Variants in FH observed in about 807,000 individuals in gnomAD.
The protein encoded by FH is fumarate hydratase, mitochondrial.
In FH, 22 loss-of-function variants were observed where a neutral mutation model predicts 49.4. That is an observed-to-expected ratio of 0.45 (90% CI 0.32 to 0.64). The LOEUF (loss-of-function observed/expected upper bound fraction) is 0.64. FH is among the 30% of genes least tolerant of loss of function. The pLI, the probability that FH is intolerant of heterozygous loss-of-function variation, is 0.05. For synonymous variants in FH, 208 were observed against 223.0 expected, an observed-to-expected ratio of 0.93 and a Z score of 0.60; for missense variants, 526 against 641.5, an observed-to-expected ratio of 0.82 and a Z score of 1.95.
At chr1:241,505,469 C>T (rs752058088) in intron 6 of FH, among the ~76,000 whole-genome samples, 1 of 152,092 alleles carries the variant, frequency 6.6e-6, no homozygotes, top group Non-Finnish European at 1.5e-5. Context: ...CTACCCTAAC[C>T]GTCTGGTAAC....
rs771879458 is a variant in FH at position 241,497,903 on chromosome 1, A to G, written c.1458T>C (p.Ala486=). 1 of 1,613,790 alleles carries G rather than the reference A, an allele frequency of 6.2e-7. No homozygotes were observed. Among genetic ancestry groups the G allele is most frequent in the African/African-American group, 1.3e-5 (1 of 75,048 alleles). ...HKNGSTLKET[A]IELGYLTAEQ... ...CTGCTGTGAGATAGCCAAGTTCGAT[A>G]GCAGTTTCCTTTAAGGTTGATCCAT... The change falls in exon 10 of 10, where the codon GCT becomes GCC. Residue 486 remains alanine (A), a synonymous_variant. Coordinates refer to ENST00000366560, the MANE Select transcript of FH (RefSeq NM_000143.4).
At chr1:241,498,691 T>C (rs1558395707) in intron 9 of FH, among the ~76,000 whole-genome samples, 1 of 62,782 alleles carries the variant, frequency 1.6e-5, no homozygotes, top group African/African-American at 6.6e-5. Flanking sequence ...CAAGCTGTCT[T>C]AACATATATA....
rs1353763695 is a variant in FH at position 241,500,466 on chromosome 1, A to T, written c.1361T>A (p.Met454Lys). Residue 454 changes from methionine (M) to lysine (K), a missense_variant, in exon 9 of 10, where the codon ATG becomes AAG. Coordinates refer to ENST00000366560, the MANE Select transcript of FH (RefSeq NM_000143.4). ...RINKLMNESL[M>K]LVTALNPHIG... ...ATGAGGATTGAGAGCTGTCACCAAC[A>T]TTAGAGACTCATTCATCAGCTTGTT... 6.2e-7 allele frequency: 1 copy of T among 1,614,030 alleles called. No individual in the cohort carries two copies. Among genetic ancestry groups the T allele is most frequent in the South Asian group, 1.1e-5 (1 of 91,082 alleles).
intron 4 of FH, among the ~76,000 whole-genome samples, chr1:241,509,461 G>A (rs904390358): frequency 6.6e-6 from 1 of 152,160 alleles, no homozygotes; most frequent in African/African-American, 2.4e-5. Flanking sequence ...TTCCTCAACT[G>A]TTGACCCTGT....
chr1:241,509,222 A>G (rs191716101), intron 4 of FH, among the ~76,000 whole-genome samples: 2 of 152,032 alleles, frequency 1.3e-5, no homozygotes, highest in Admixed American at 6.6e-5. Flanking sequence ...AATTACATCA[A>G]TTATTGAATT....
At chr1:241,507,895 G>C (rs1410421742) in intron 5 of FH, among the ~76,000 whole-genome samples, 1 of 152,060 alleles carries the variant, frequency 6.6e-6, no homozygotes, top group African/African-American at 2.4e-5. Context: ...TGGAGTGTGA[G>C]TTTACTAAGA....
At chr1:241,509,729 TCA>T (rs1660031280) in intron 4 of FH, among the ~76,000 whole-genome samples, 1 of 151,286 alleles carries the variant, frequency 6.6e-6, no homozygotes, top group African/African-American at 2.4e-5. Flanking sequence ...TGAGCTATGC[TCA>T]CTCTACTGCA....
intron 6 of FH, among the ~76,000 whole-genome samples, chr1:241,505,776 A>G (rs1659912560): frequency 6.6e-6 from 1 of 152,236 alleles, no homozygotes; most frequent in South Asian, 2.1e-4. Flanking sequence ...CAAAGCTAAC[A>G]CTGGTAGATT....
At chr1:241,507,459 A>G (rs1659959660) in intron 5 of FH, among the ~76,000 whole-genome samples, 2 of 152,160 alleles carry the variant, frequency 1.3e-5, no homozygotes, top group Admixed American at 6.5e-5. Flanking sequence ...AGATAGATTC[A>G]CTTATAAAAT....
rs148693005 is a variant in FH, at chr1:241,503,447, G to A, written c.1108+595C>T. On this transcript the variant is annotated intron_variant, in intron 7 of 9. Transcript: ENST00000366560. ...TATTGCTATCCCAACTTTGTTAACT[G>A]TTAATATGATTAGCATGTATTCTCT... Among the ~76,000 whole-genome samples the A allele has an allele frequency of 3.1e-3, 471 of 152,298 alleles. 2 individuals carry two copies. Among genetic ancestry groups the A allele is most frequent in the Middle Eastern group, 0.017 (5 of 292 alleles).
intron 7 of FH, among the ~76,000 whole-genome samples, chr1:241,503,743 A>G (rs1200292224): frequency 6.6e-6 from 1 of 152,258 alleles, no homozygotes; most frequent in Non-Finnish European, 1.5e-5. Context: ...AAAAAATGAA[A>G]TAAGTGAAGT....
Position 241,517,387 on chromosome 1 carries a change from A to G in FH, c.133-71T>C. Reference sequence around the variant, plus strand: ...GGATCAAAAGTAATCGCATCTTATCAGCTGTTAAAGAGAAAGAAACCTGAA... The same window carrying G: ...GGATCAAAAGTAATCGCATCTTATCGGCTGTTAAAGAGAAAGAAACCTGAA... On this transcript the variant is annotated intron_variant, in intron 1 of 9. Transcript: ENST00000366560. The G allele has an allele frequency of 1.9e-6, 3 of 1,544,760 alleles. No homozygotes were observed. In the South Asian group the frequency reaches 3.4e-5, roughly 17 times the overall value.
chr1:241,500,475 T>C lies in FH; in HGVS notation c.1352A>G (p.Glu451Gly), dbSNP rs751400708. ...GAGAGCTGTCACCAACATTAGAGAC[T>C]CATTCATCAGCTTGTTGATCCTTTC... ...NTERINKLMN[E>G]SLMLVTALNP... is the part of the protein sequence containing the mutation. The change falls in exon 9 of 10, where the codon GAG becomes GGG. Residue 451 changes from glutamate (E) to glycine (G), a missense_variant. Around this residue, in one of 2 missense-constraint regions of FH, gnomAD observed 383 missense variants for 514.0 expected, o/e 0.75. Transcript: ENST00000366560. 2.5e-6 allele frequency: 4 copies of C among 1,614,072 alleles called. No homozygotes were observed. The highest frequency in any genetic ancestry group is 3.4e-6 in the Non-Finnish European group (4 of 1,179,968).
chr1:241,501,251 C>A (rs946776460), intron 8 of FH, among the ~76,000 whole-genome samples: 1 of 152,084 alleles, frequency 6.6e-6, no homozygotes, highest in Non-Finnish European at 1.5e-5. Context: ...TCTAAAACTC[C>A]GGTCTGAAAA....
intron 1 of FH, among the ~76,000 whole-genome samples, chr1:241,517,527 A>G (rs1419212278): frequency 1.3e-5 from 2 of 152,216 alleles, no homozygotes; most frequent in African/African-American, 4.8e-5. Flanking sequence ...CTTTAAAGAC[A>G]GACTGTAGAA....
intron 8 of FH, 49 bp from the exon 9 acceptor site, chr1:241,500,639 G>C (rs201422946): frequency 8.2e-6 from 13 of 1,581,986 alleles, no homozygotes; most frequent in Non-Finnish European, 4.3e-6. Flanking sequence ...GAGAGAGAGA[G>C]ACATTACTAA....
intron 2 of FH, among the ~76,000 whole-genome samples, chr1:241,515,717 T>C (rs1222521481): frequency 6.6e-6 from 1 of 152,236 alleles, no homozygotes; most frequent in Non-Finnish European, 1.5e-5. Context: ...TATCCTGCAT[T>C]GACTATTTTT....
At chr1:241,515,436 G>A (rs1660189858) in intron 2 of FH, among the ~76,000 whole-genome samples, 2 of 152,060 alleles carry the variant, frequency 1.3e-5, no homozygotes, top group South Asian at 4.2e-4. Flanking sequence ...AATAATATGA[G>A]ATTATTTTAG....
At chr1:241,513,172 A>G (rs1660133670) in intron 3 of FH, among the ~76,000 whole-genome samples, 5 of 152,120 alleles carry the variant, frequency 3.3e-5, no homozygotes, top group African/African-American at 1.2e-4. Flanking sequence ...GCTGTAATTA[A>G]CAACACTATA....
Sources: gnomAD v4.1 joint callset for allele counts (sites outside exome capture counted in the v4.1 genomes callset) on GRCh38, gnomAD v4.1.1 for gene constraint, gnomAD v4.1.1 regional missense constraint, MANE v1.5 for transcripts, NCBI Gene and HGNC (gene_info 2026-07-23, HGNC 2026-07-21) for gene names.